Variants in AFF3 observed in about 807,000 individuals in gnomAD.
AFF3 encodes ALF transcription elongation factor 3, also known as AF4/FMR2 family member 3.
A neutral mutation model predicts 129.7 loss-of-function variants in AFF3; 32 were observed. That is an observed-to-expected ratio of 0.25 (90% CI 0.19 to 0.33). The LOEUF is 0.33. Among genes scored for constraint, AFF3 ranks in the 10% least tolerant of loss-of-function variants. AFF3 has a pLI of 1.00. For missense variants in AFF3, 1,373 were observed against 1,592.0 expected (o/e 0.86, Z 2.34); for synonymous variants, 644 against 635.4 (o/e 1.01, Z -0.20).
At chr2:99,564,622 A>G (rs1198140971) in intron 20 of AFF3, among the ~76,000 whole-genome samples, 2 of 152,146 alleles carry the variant, frequency 1.3e-5, no homozygotes, top group African/African-American at 2.4e-5. Flanking sequence ...GTGGTGTGTA[A>G]AACACCAAGT....
rs973582762 is a variant in AFF3 at position 99,578,461 on chromosome 2, A to G, written c.2794-10T>C. On this transcript the variant is annotated splice_polypyrimidine_tract_variant and intron_variant, in intron 17 of 24. Coordinates refer to ENST00000672756, the MANE Select transcript of AFF3 (RefSeq NM_001386135.1). Reference sequence around the variant, plus strand: ...TGTTGTGAGCTGCTTTCTAAACAACAAACAACACACATCTTTGAGAAATTG... The same window carrying G: ...TGTTGTGAGCTGCTTTCTAAACAACGAACAACACACATCTTTGAGAAATTG... The G allele has an allele frequency of 6.2e-6, 10 of 1,609,016 alleles. No individual in the cohort carries two copies. The highest frequency in any genetic ancestry group is 5.4e-5 in the African/African-American group (4 of 74,722).
At chr2:99,642,601 C>G (rs1684307560) in intron 13 of AFF3, among the ~76,000 whole-genome samples, 1 of 152,208 alleles carries the variant, frequency 6.6e-6, no homozygotes, top group South Asian at 2.1e-4. Context: ...CTGCTAATTG[C>G]CAGGTACTGT....
At chr2:99,627,250 CT>C (rs1307051977) in intron 13 of AFF3, among the ~76,000 whole-genome samples, 1 of 151,688 alleles carries the variant, frequency 6.6e-6, no homozygotes, top group East Asian at 1.9e-4. Flanking sequence ...TTTTTTTTGA[CT>C]TTTAAATAAT....
intron 4 of AFF3, among the ~76,000 whole-genome samples, chr2:100,076,475 T>G (rs568757994): frequency 6.6e-6 from 1 of 152,292 alleles, no homozygotes; most frequent in South Asian, 2.1e-4. Context: ...AGGTGAACTC[T>G]CAAAATGTAA....
intron 12 of AFF3, among the ~76,000 whole-genome samples, chr2:99,670,984 A>T (rs1687097525): frequency 6.6e-6 from 1 of 152,230 alleles, no homozygotes; most frequent in Non-Finnish European, 1.5e-5. Context: ...CTTAGAGAAC[A>T]TGTATAGTAC....
At chr2:100,107,622 T>G in intron 2 of AFF3, 1 of 549,344 alleles carries the variant, frequency 1.8e-6, no homozygotes, top group Non-Finnish European at 2.3e-6. Context: ...ACCACCCAGC[T>G]AAGGGGAGGG....
At chr2:99,876,416 T>A (rs1692303351) in intron 7 of AFF3, among the ~76,000 whole-genome samples, 1 of 152,142 alleles carries the variant, frequency 6.6e-6, no homozygotes, top group Non-Finnish European at 1.5e-5. Context: ...GATCTGTCCC[T>A]CTCACATTCA....
chr2:99,620,294 G>A (rs906607404), intron 13 of AFF3, among the ~76,000 whole-genome samples: 2 of 152,118 alleles, frequency 1.3e-5, no homozygotes, highest in Non-Finnish European at 2.9e-5. Flanking sequence ...TCTGTGGTCC[G>A]TCACTTCTAA....
intron 4 of AFF3, among the ~76,000 whole-genome samples, chr2:100,026,313 A>G (rs1314983413): frequency 2.0e-5 from 3 of 152,206 alleles, no homozygotes; most frequent in Non-Finnish European, 4.4e-5. Context: ...AACATCACTA[A>G]TGATCAGGGA....
chr2:99,568,764 A>G, intron 19 of AFF3, 88 bp downstream of exon 19: 1 of 1,311,472 alleles, frequency 7.6e-7, no homozygotes. Flanking sequence ...AATAGATTTT[A>G]TAATTACCCC....
At chr2:99,659,087 A>T (rs1255643001) in intron 12 of AFF3, among the ~76,000 whole-genome samples, 2 of 152,228 alleles carry the variant, frequency 1.3e-5, no homozygotes, top group African/African-American at 4.8e-5. Flanking sequence ...TCACCATGAC[A>T]GAACTATGTA....
chr2:99,724,271 C>CTTTTTTTTTTTTTTT (rs58303232), intron 11 of AFF3, among the ~76,000 whole-genome samples: 5,316 of 66,604 alleles, frequency 0.08, 1,403 homozygotes, highest in South Asian at 0.091. Context: ...AATGACCTTT[C>CTTTTTTTTTTTTTTT]TTTTTTTTTT....
intron 8 of AFF3, among the ~76,000 whole-genome samples, chr2:99,834,298 A>C (rs1392871967): frequency 2.0e-5 from 3 of 152,326 alleles, no homozygotes; most frequent in East Asian, 1.9e-4. Context: ...AGTTGTGTTT[A>C]ACTTCTCTTC....
At chr2:100,109,804 GGTAA>G (rs1310567180) in intron 2 of AFF3, 1 of 152,206 alleles carries the variant, frequency 6.6e-6, no homozygotes, top group Non-Finnish European at 1.5e-5. Flanking sequence ...CTAAGGAACA[GGTAA>G]GTGTCACAAA....
intron 10 of AFF3, among the ~76,000 whole-genome samples, chr2:99,735,530 T>A (rs894577441): frequency 2.6e-5 from 4 of 152,204 alleles, no homozygotes; most frequent in Admixed American, 2.6e-4. Context: ...TCTCACTCTG[T>A]CATCCAGGCT....
At chr2:99,572,558 A>T (rs1676599200) in intron 18 of AFF3, 1 of 455,118 alleles carries the variant, frequency 2.2e-6, no homozygotes, top group South Asian at 1.6e-5. Flanking sequence ...GTGTTTGAAC[A>T]ACAAGTTCCT....
rs373262877 is a variant in AFF3, at chr2:100,006,851, T to G, written c.654A>C (p.Pro218=). Residue 218 remains proline, a synonymous_variant, in exon 7 of 25, where the codon CCA becomes CCC. Transcript: ENST00000672756. The part of the protein sequence containing the change: ...SSGHCVQNFP[P]SLASKPSLVQ... ...CCAGGCTGGGTTTTGAAGCTAGGGA[T>G]GGAGGAAAGTTCTGAACACAGTGTC... 1 of 1,614,074 alleles carries G rather than the reference T, an allele frequency of 6.2e-7. No individual in the cohort carries two copies. Among genetic ancestry groups the G allele is most frequent in the African/African-American group, 1.3e-5 (1 of 74,920 alleles).
At chr2:99,942,833 C>A (rs1247924447) in intron 7 of AFF3, among the ~76,000 whole-genome samples, 2 of 152,096 alleles carry the variant, frequency 1.3e-5, no homozygotes, top group Non-Finnish European at 1.5e-5. Flanking sequence ...CCTCTCCACC[C>A]ACCTGGCCTC....
chr2:99,969,022 C>T (rs62149297), intron 7 of AFF3, among the ~76,000 whole-genome samples: 14,226 of 152,202 alleles, frequency 0.093, 910 homozygotes, highest in Non-Finnish European at 0.13. Context: ...GCTCTGGAGT[C>T]GGGCGGAACA....
Sources: gnomAD v4.1 joint callset for allele counts (sites outside exome capture counted in the v4.1 genomes callset) on GRCh38, gnomAD v4.1.1 for gene constraint, MANE v1.5 for transcripts, NCBI Gene and HGNC (gene_info 2026-07-23, HGNC 2026-07-21) for gene names.